SLC9C1: variants seen among roughly 807,000 people sequenced by gnomAD.
SLC9C1 encodes the protein solute carrier family 9 member C1, also known as sodium/hydrogen exchanger 10.
A neutral mutation model predicts 140.9 loss-of-function variants in SLC9C1; 97 were observed. The ratio of observed to expected loss-of-function variants is 0.69; its 90% CI spans 0.58 to 0.82. The LOEUF (loss-of-function observed/expected upper bound fraction) is 0.82. SLC9C1 is among the 40% of genes least tolerant of loss of function. SLC9C1 has a pLI of 0.00. For synonymous variants in SLC9C1, 440 were observed against 442.6 expected, an observed-to-expected ratio of 0.99 and a Z score of 0.07; for missense variants, 1,340 against 1,389.3, an observed-to-expected ratio of 0.96 and a Z score of 0.56.
chr3:112,276,097 C>T (rs1264226682), intron 5 of SLC9C1, among the ~76,000 whole-genome samples: 1 of 152,044 alleles, frequency 6.6e-6, no homozygotes, highest in Non-Finnish European at 1.5e-5. Flanking sequence ...CAGTAGAACC[C>T]AGCCCATATC....
At chr3:112,224,999 T>A (rs2078645697) in intron 13 of SLC9C1, among the ~76,000 whole-genome samples, 1 of 152,110 alleles carries the variant, frequency 6.6e-6, no homozygotes, top group South Asian at 2.1e-4. Flanking sequence ...AACTTCCAAG[T>A]TTTTGAAAAG....
intron 18 of SLC9C1, 51 bp downstream of exon 18, chr3:112,202,199 G>A (rs758992061): frequency 1.9e-6 from 3 of 1,592,420 alleles, no homozygotes; most frequent in Non-Finnish European, 2.6e-6. Context: ...GATGGATGAG[G>A]GCAACTGAGG....
chr3:112,218,758 CA>C (rs1212968320), intron 14 of SLC9C1, among the ~76,000 whole-genome samples: 5 of 151,892 alleles, frequency 3.3e-5, no homozygotes, highest in African/African-American at 9.7e-5. Context: ...TCCCTGGACT[CA>C]AAAAAATAAG....
intron 23 of SLC9C1, 63 bp from the exon 24 acceptor site, chr3:112,169,391 T>G: frequency 6.6e-7 from 1 of 1,508,028 alleles, no homozygotes; most frequent in Non-Finnish European, 8.9e-7. Context: ...GGAATAAAGT[T>G]TTTTTGTTTA....
intron 1 of SLC9C1, among the ~76,000 whole-genome samples, chr3:112,290,551 C>T (rs1445742687): frequency 6.6e-6 from 1 of 152,080 alleles, no homozygotes; most frequent in Non-Finnish European, 1.5e-5. Context: ...GTGAAGAGGT[C>T]TGTAGAAGTC....
intron 20 of SLC9C1, among the ~76,000 whole-genome samples, chr3:112,192,556 GT>G (rs1263401435): frequency 6.6e-6 from 1 of 151,606 alleles, no homozygotes; most frequent in South Asian, 2.1e-4. Context: ...TTTTGTTTTT[GT>G]TTTTTTCTTT....
intron 12 of SLC9C1, among the ~76,000 whole-genome samples, chr3:112,238,193 T>G (rs2079044022): frequency 6.6e-6 from 1 of 152,226 alleles, no homozygotes; most frequent in Non-Finnish European, 1.5e-5. Context: ...TCTTCTCACT[T>G]CATTTCATTC....
At chr3:112,228,191 A>G (rs750503652) in intron 13 of SLC9C1, among the ~76,000 whole-genome samples, 2 of 152,286 alleles carry the variant, frequency 1.3e-5, no homozygotes, top group Non-Finnish European at 2.9e-5. Flanking sequence ...TAGTACTTGC[A>G]TAAAAACAGG....
At chr3:112,205,329 G>A (rs571460627) in intron 16 of SLC9C1, among the ~76,000 whole-genome samples, 63 of 151,758 alleles carry the variant, frequency 4.2e-4, no homozygotes, top group African/African-American at 1.4e-3. Context: ...AAAATACCTG[G>A]GAATCCAACT....
At chr3:112,215,339 G>T (rs2078329987) in intron 15 of SLC9C1, among the ~76,000 whole-genome samples, 1 of 152,158 alleles carries the variant, frequency 6.6e-6, no homozygotes, top group African/African-American at 2.4e-5. Context: ...ATTCAACATA[G>T]TGTTGGAAGT....
chr3:112,189,084 T>G (rs1348909620), intron 20 of SLC9C1, among the ~76,000 whole-genome samples: 2 of 150,952 alleles, frequency 1.3e-5, no homozygotes, highest in Non-Finnish European at 3.0e-5. Context: ...TTGTTTGTTT[T>G]TTTCTTGTAA....
chr3:112,250,526 C>T (rs574752044), intron 10 of SLC9C1, among the ~76,000 whole-genome samples: 1 of 150,146 alleles, frequency 6.7e-6, no homozygotes, highest in African/African-American at 2.5e-5. Context: ...TACAGTCCCA[C>T]CAACAGTGTA....
intron 18 of SLC9C1, among the ~76,000 whole-genome samples, chr3:112,201,933 C>T (rs1430305987): frequency 1.3e-5 from 2 of 151,900 alleles, no homozygotes; most frequent in Non-Finnish European, 1.5e-5. Flanking sequence ...CCAGTACTTC[C>T]TATTTTACAC....
intron 27 of SLC9C1, among the ~76,000 whole-genome samples, chr3:112,153,157 G>T (rs145579161): frequency 5.7e-4 from 86 of 152,204 alleles, no homozygotes; most frequent in African/African-American, 2.0e-3. Flanking sequence ...ACAATTTGAT[G>T]ATTTTCTTTA....
intron 13 of SLC9C1, among the ~76,000 whole-genome samples, chr3:112,226,670 C>T (rs1245055209): frequency 6.6e-6 from 1 of 151,980 alleles, no homozygotes; most frequent in African/African-American, 2.4e-5. Context: ...TGCAGTGAGC[C>T]AAGATTGCAC....
intron 12 of SLC9C1, among the ~76,000 whole-genome samples, chr3:112,233,767 G>A (rs947766826): frequency 6.6e-6 from 1 of 151,866 alleles, no homozygotes; most frequent in East Asian, 1.9e-4. Context: ...GGCTGAGAAT[G>A]ATGGTTTCCA....
chr3:112,197,064 A>T (rs1240747984), intron 20 of SLC9C1, among the ~76,000 whole-genome samples: 7 of 151,784 alleles, frequency 4.6e-5, no homozygotes, highest in Admixed American at 4.6e-4. Flanking sequence ...TGGTGGTTGT[A>T]GTCTGTCTCT....
chr3:112,182,801 A>G (rs562997978), intron 20 of SLC9C1, among the ~76,000 whole-genome samples: 1 of 152,302 alleles, frequency 6.6e-6, no homozygotes, highest in South Asian at 2.1e-4. Context: ...TATAACTACT[A>G]TACTTCTATC....
chr3:112,189,602 T>C (rs2077609539), intron 20 of SLC9C1, among the ~76,000 whole-genome samples: 1 of 152,256 alleles, frequency 6.6e-6, no homozygotes, highest in Non-Finnish European at 1.5e-5. Context: ...CTCTCTGTTT[T>C]GGTACCAGTA....
Sources: allele counts gnomAD v4.1 joint callset (sites outside exome capture counted in the v4.1 genomes callset), GRCh38; gene constraint gnomAD v4.1.1; transcripts MANE v1.5; gene names NCBI Gene and HGNC (gene_info 2026-07-23, HGNC 2026-07-21).